The following RAD51B variants were observed in gnomAD, a reference collection of about 807,000 sequenced individuals.
RAD51B encodes the protein RAD51 paralog B, also known as DNA repair protein RAD51 homolog 2.
A neutral mutation model predicts 42.2 loss-of-function variants in RAD51B; 38 were observed. The observed-to-expected ratio is 0.90, with a 90% CI of 0.70 to 1.18. The LOEUF (loss-of-function observed/expected upper bound fraction) is 1.18. Among genes scored for constraint, RAD51B ranks in the 50% most tolerant of loss-of-function variants. The pLI is 0.00. For missense variants in RAD51B, 373 were observed against 400.7 expected (o/e 0.93, Z 0.59); for synonymous variants, 154 against 145.2 (o/e 1.06, Z -0.43).
At chr14:68,308,080 A>C (rs377295346) in intron 8 of RAD51B, among the ~76,000 whole-genome samples, 147 of 152,206 alleles carry the variant, frequency 9.7e-4, no homozygotes, top group African/African-American at 3.4e-3. Flanking sequence ...CTTTGATTGG[A>C]GGTTCTCGAG....
intron 9 of RAD51B, among the ~76,000 whole-genome samples, chr14:68,465,230 T>TA (rs1345470304): frequency 1.3e-5 from 2 of 152,208 alleles, no homozygotes; most frequent in African/African-American, 4.8e-5. Context: ...TTTATATGTT[T>TA]AGTTTATTTT....
At chr14:68,027,312 G>A (rs2075970679) in intron 7 of RAD51B, among the ~76,000 whole-genome samples, 1 of 152,002 alleles carries the variant, frequency 6.6e-6, no homozygotes, top group African/African-American at 2.4e-5. Flanking sequence ...TCTGATGTCT[G>A]TGTGCCTCGG....
At chr14:68,214,796 C>A (rs2079780277) in intron 7 of RAD51B, among the ~76,000 whole-genome samples, 1 of 152,204 alleles carries the variant, frequency 6.6e-6, no homozygotes, top group African/African-American at 2.4e-5. Context: ...TCGTGTCCTT[C>A]CCCCAGGACT....
chr14:67,849,176 CCTCT>C (rs2139937229), intron 4 of RAD51B, among the ~76,000 whole-genome samples: 1 of 152,302 alleles, frequency 6.6e-6, no homozygotes, highest in African/African-American at 2.4e-5. Context: ...AACTTTTTCT[CCTCT>C]CTCAGGAATG....
At chr14:68,549,408 C>CTTTTTTTTTTTT (rs1888400828) in intron 10 of RAD51B, among the ~76,000 whole-genome samples, 1 of 71,326 alleles carries the variant, frequency 1.4e-5, no homozygotes, top group Non-Finnish European at 3.3e-5. Context: ...GCCCTGGACA[C>CTTTTTTTTTTTT]ATTTTTTTTT....
At chr14:68,622,097 G>C (rs1456280492) in intron 10 of RAD51B, among the ~76,000 whole-genome samples, 1 of 152,190 alleles carries the variant, frequency 6.6e-6, no homozygotes, top group African/African-American at 2.4e-5. Context: ...CCATTCCTGA[G>C]CTCCAGTTAC....
At chr14:68,481,199 T>C (rs2040783), downstream of RAD51B, among the ~76,000 whole-genome samples, 64,143 of 151,906 alleles carry the variant, frequency 0.42, 14,134 homozygotes, top group East Asian at 0.56. Context: ...AAATATATTA[T>C]TTTTCCTCCC....
chr14:67,942,973 G>A (rs993991402), intron 7 of RAD51B, among the ~76,000 whole-genome samples: 1 of 151,968 alleles, frequency 6.6e-6, no homozygotes, highest in Non-Finnish European at 1.5e-5. Flanking sequence ...TGTGGTGGCA[G>A]GTCTTTATTT....
At chr14:68,161,029 T>A (rs891826145) in intron 7 of RAD51B, among the ~76,000 whole-genome samples, 1 of 152,240 alleles carries the variant, frequency 6.6e-6, no homozygotes, top group Non-Finnish European at 1.5e-5. Context: ...TAGGCTCTTA[T>A]ATCGTTGTGT....
intron 10 of RAD51B, among the ~76,000 whole-genome samples, chr14:68,588,876 T>A (rs1890612814): frequency 1.3e-5 from 2 of 152,142 alleles, no homozygotes; most frequent in South Asian, 4.1e-4. Flanking sequence ...GCCACGAGGG[T>A]CTGCAGGGAC....
intron 10 of RAD51B, among the ~76,000 whole-genome samples, chr14:68,569,093 C>T (rs1889565303): frequency 6.6e-6 from 1 of 152,152 alleles, no homozygotes; most frequent in Non-Finnish European, 1.5e-5. Context: ...CTCTCATTTC[C>T]CCTTTCTGTA....
At chr14:68,306,097 AC>A (rs2081855639) in intron 8 of RAD51B, among the ~76,000 whole-genome samples, 1 of 152,208 alleles carries the variant, frequency 6.6e-6, no homozygotes. Flanking sequence ...CTATTGAAGA[AC>A]CTTGAGAAAA....
intron 10 of RAD51B, among the ~76,000 whole-genome samples, chr14:68,474,075 AT>A (rs1882340600): frequency 6.6e-6 from 1 of 152,226 alleles, no homozygotes; most frequent in Admixed American, 6.5e-5. Flanking sequence ...ATCCACATCC[AT>A]TCAGTGTGTG....
At chr14:67,961,730 T>C (rs1248576598) in intron 7 of RAD51B, among the ~76,000 whole-genome samples, 2 of 152,194 alleles carry the variant, frequency 1.3e-5, no homozygotes, top group Non-Finnish European at 2.9e-5. Flanking sequence ...TATTTTTTTT[T>C]CTGGAAATCT....
At chr14:67,835,965 CAT>C (rs2041228815) in intron 4 of RAD51B, among the ~76,000 whole-genome samples, 2 of 152,118 alleles carry the variant, frequency 1.3e-5, no homozygotes, top group African/African-American at 4.8e-5. Flanking sequence ...ATTTTATTAA[CAT>C]ATGGAAAAAT....
intron 8 of RAD51B, chr14:68,306,752 A>G (rs3784104): frequency 0.56 from 218,893 of 392,844 alleles, 62,996 homozygotes; most frequent in South Asian, 0.61. Flanking sequence ...ATGAACTTGC[A>G]TGGCCGAAGT....
intron 7 of RAD51B, among the ~76,000 whole-genome samples, chr14:67,955,668 G>A (rs1457201993): frequency 6.6e-6 from 1 of 152,162 alleles, no homozygotes; most frequent in Admixed American, 6.5e-5. Flanking sequence ...TGATAGTTCA[G>A]AAAAATAAAA....
At chr14:68,498,325 G>T (rs1884684935) in intron 10 of RAD51B, among the ~76,000 whole-genome samples, 3 of 152,232 alleles carry the variant, frequency 2.0e-5, no homozygotes, top group Admixed American at 6.5e-5. Context: ...CAGAGAAGCA[G>T]TGGACTTCAC....
intron 8 of RAD51B, among the ~76,000 whole-genome samples, chr14:68,369,095 T>C (rs1273017838): frequency 6.6e-6 from 1 of 152,214 alleles, no homozygotes; most frequent in Non-Finnish European, 1.5e-5. Context: ...AAGCTTGCCC[T>C]GAAGAGGCCT....
Sources: allele counts gnomAD v4.1 joint callset (sites outside exome capture counted in the v4.1 genomes callset), GRCh38; gene constraint gnomAD v4.1.1; transcripts MANE v1.5; gene names NCBI Gene and HGNC (gene_info 2026-07-23, HGNC 2026-07-21).